The following RALGAPA1 variants were observed in gnomAD, a reference collection of about 807,000 sequenced individuals.
The protein encoded by RALGAPA1 is ral GTPase-activating protein subunit alpha-1.
In RALGAPA1, 52 loss-of-function variants were observed where a neutral mutation model predicts 269.6. That is an observed-to-expected ratio of 0.19 (90% CI 0.15 to 0.24). The LOEUF is 0.24. RALGAPA1 is among the 10% of genes least tolerant of loss of function. The pLI is 1.00. For synonymous variants in RALGAPA1, 817 were observed against 1,008.3 expected, an observed-to-expected ratio of 0.81 and a Z score of 3.60; for missense variants, 1,917 against 3,013.9, an observed-to-expected ratio of 0.64 and a Z score of 8.52.
intron 15 of RALGAPA1, 93 bp from the exon 16 acceptor site, chr14:35,721,942 T>G (rs1398696668): frequency 9.7e-7 from 1 of 1,029,754 alleles, no homozygotes; most frequent in Non-Finnish European, 1.5e-6. Context: ...GTCTTAGGTT[T>G]GCTCACATAA....
intron 1 of RALGAPA1, among the ~76,000 whole-genome samples, chr14:35,798,392 G>T (rs568702613): frequency 5.9e-5 from 9 of 152,084 alleles, no homozygotes; most frequent in African/African-American, 2.2e-4. Context: ...GCCCAGGCTG[G>T]TCTCAAACTC....
intron 39 of RALGAPA1, among the ~76,000 whole-genome samples, chr14:35,557,300 G>GAAAAAAAAAAAAAA (rs66542011): frequency 8.8e-6 from 1 of 113,042 alleles, no homozygotes. Context: ...ACTGCAAAAA[G>GAAAAAAAAAAAAAA]AAAAAAAAAA....
intron 5 of RALGAPA1, among the ~76,000 whole-genome samples, chr14:35,762,413 G>A (rs549630925): frequency 1.3e-5 from 2 of 151,950 alleles, no homozygotes; most frequent in East Asian, 1.9e-4. Context: ...GTGCCACCAC[G>A]CCCGGCTAAT....
At chr14:35,604,849 T>C (rs932212645) in intron 36 of RALGAPA1, among the ~76,000 whole-genome samples, 2 of 152,120 alleles carry the variant, frequency 1.3e-5, no homozygotes, top group Non-Finnish European at 2.9e-5. Flanking sequence ...TCAGATTTAC[T>C]TTCTGTTAGA....
chr14:35,629,207 C>T (rs377381214), intron 33 of RALGAPA1, among the ~76,000 whole-genome samples: 2 of 151,660 alleles, frequency 1.3e-5, no homozygotes, highest in African/African-American at 2.4e-5. Context: ...TATCTTAATG[C>T]GTTTCATCTA....
intron 21 of RALGAPA1, among the ~76,000 whole-genome samples, chr14:35,680,197 GATTTT>G (rs775095447): frequency 9.3e-4 from 141 of 152,048 alleles, no homozygotes; most frequent in Non-Finnish European, 1.8e-3. Flanking sequence ...TTAAGAACTA[GATTTT>G]ATTTTATTAT....
rs555483652 is a variant in RALGAPA1 at position 35,609,042 on chromosome 14, C to T, written c.6930-3333G>A. Among the ~76,000 whole-genome samples, 9 of 151,980 alleles carry T rather than the reference C, an allele frequency of 5.9e-5. No individual in the cohort carries two copies. In the East Asian group the frequency reaches 9.7e-4, roughly 16 times the overall value. On this transcript the variant is annotated intron_variant, in intron 35 of 41. Coordinates refer to ENST00000680220, the MANE Select transcript of RALGAPA1 (RefSeq NM_001346249.2). Reference sequence around the variant, plus strand: ...GAGATCGAGATCATCCTGGCTAACACGGTGTAACCCCGTCTCTACTAAAAA... The same window carrying T: ...GAGATCGAGATCATCCTGGCTAACATGGTGTAACCCCGTCTCTACTAAAAA...
chr14:35,680,910 G>A (rs1318826553), intron 21 of RALGAPA1, among the ~76,000 whole-genome samples: 1 of 152,002 alleles, frequency 6.6e-6, no homozygotes, highest in Non-Finnish European at 1.5e-5. Context: ...CACCACGCCC[G>A]GCCTATTTTA....
chr14:35,738,391 G>A (rs2071233167), intron 12 of RALGAPA1, 122 bp downstream of exon 12: 2 of 536,342 alleles, frequency 3.7e-6, no homozygotes, highest in African/African-American at 1.9e-5. Context: ...ATAAAATATG[G>A]CATAATGATA....
intron 14 of RALGAPA1, among the ~76,000 whole-genome samples, chr14:35,724,073 CA>C (rs948371742): frequency 4.6e-5 from 7 of 151,472 alleles, no homozygotes; most frequent in African/African-American, 1.7e-4. Context: ...TAATTTAATA[CA>C]AAAAAAAGAC....
intron 26 of RALGAPA1, among the ~76,000 whole-genome samples, chr14:35,667,542 T>G (rs2064046796): frequency 1.3e-5 from 2 of 152,216 alleles, no homozygotes; most frequent in Non-Finnish European, 2.9e-5. Context: ...GTGATCTAGT[T>G]AAAATGCAGA....
intron 12 of RALGAPA1, among the ~76,000 whole-genome samples, chr14:35,732,403 A>T (rs2070577078): frequency 6.6e-6 from 1 of 152,166 alleles, no homozygotes; most frequent in African/African-American, 2.4e-5. Flanking sequence ...GGTACCTCAC[A>T]TCTCAATACT....
chr14:35,796,514 C>A (rs949849721), intron 1 of RALGAPA1, among the ~76,000 whole-genome samples: 7 of 151,846 alleles, frequency 4.6e-5, no homozygotes, highest in African/African-American at 1.5e-4. Flanking sequence ...AACTATAAAC[C>A]CACAAATCCA....
rs2065800596 is a variant in RALGAPA1 at position 35,685,100 on chromosome 14, T to C, written c.4123A>G (p.Lys1375Glu). The C allele has an allele frequency of 6.4e-7, 1 of 1,574,114 alleles. No homozygotes were observed. The highest frequency in any genetic ancestry group is 8.6e-7 in the Non-Finnish European group (1 of 1,158,992). The stretch of plus-strand genomic sequence containing the variant: ...TTGTTTAGAATATCAGGGAGGTCTT[T>C]GGGAATTTCCAGGCTGCCTGGACTA... ...GSSPGSLEIP[K>E]DLPDILNKQN... Residue 1375 changes from lysine (K) to glutamate (E), a missense_variant, in exon 20 of 42, where the codon AAA becomes GAA. Around this residue, in one of 11 missense-constraint regions of RALGAPA1, gnomAD observed 615 missense variants for 790.0 expected, o/e 0.78. Transcript: ENST00000680220.
At chr14:35,735,870 T>C (rs1433340429) in intron 12 of RALGAPA1, among the ~76,000 whole-genome samples, 1 of 152,230 alleles carries the variant, frequency 6.6e-6, no homozygotes, top group Non-Finnish European at 1.5e-5. Context: ...AGTTATGCTG[T>C]GGGCCAGCCC....
intron 5 of RALGAPA1, 31 bp downstream of exon 5, chr14:35,762,679 T>G: frequency 7.4e-7 from 1 of 1,355,674 alleles, no homozygotes; most frequent in South Asian, 1.2e-5. Context: ...CTCAGTATTT[T>G]TAAAGTCATG....
At chr14:35,649,708 T>G (rs916042322) in intron 31 of RALGAPA1, among the ~76,000 whole-genome samples, 13 of 152,208 alleles carry the variant, frequency 8.5e-5, no homozygotes, top group Non-Finnish European at 1.5e-4. Context: ...CCCCAATAGT[T>G]AATTACTTCT....
chr14:35,782,163 T>C (rs1050324629), intron 1 of RALGAPA1, among the ~76,000 whole-genome samples: 3 of 152,100 alleles, frequency 2.0e-5, no homozygotes, highest in Non-Finnish European at 4.4e-5. Flanking sequence ...AAAAATCAAC[T>C]GTATTTCTAT....
intron 39 of RALGAPA1, among the ~76,000 whole-genome samples, chr14:35,570,380 G>A (rs1454188478): frequency 6.6e-6 from 1 of 152,016 alleles, no homozygotes; most frequent in Non-Finnish European, 1.5e-5. Context: ...AATCAGGCTG[G>A]GTGCAGTGGC....
Sources: allele counts gnomAD v4.1 joint callset (sites outside exome capture counted in the v4.1 genomes callset), GRCh38; gene constraint gnomAD v4.1.1; regional missense constraint gnomAD v4.1.1; transcripts MANE v1.5; gene names NCBI Gene and HGNC (gene_info 2026-07-23, HGNC 2026-07-21).